Variants in OSBPL10 observed in about 807,000 individuals in gnomAD.
OSBPL10 encodes oxysterol-binding protein-related protein 10.
Under a neutral mutation model 81.7 loss-of-function variants are expected in OSBPL10, and 49 were observed. The ratio of observed to expected loss-of-function variants is 0.60; its 90% CI spans 0.48 to 0.76. The LOEUF is 0.76. Among genes scored for constraint, OSBPL10 ranks in the 30% least tolerant of loss-of-function variants. The pLI, the probability that OSBPL10 is intolerant of heterozygous loss-of-function variation, is 0.00. For synonymous variants in OSBPL10, 419 were observed against 383.6 expected, an observed-to-expected ratio of 1.09 and a Z score of -1.08; for missense variants, 923 against 987.8, an observed-to-expected ratio of 0.93 and a Z score of 0.88.
chr3:31,810,392 A>G (rs1011388982), intron 4 of OSBPL10, among the ~76,000 whole-genome samples: 1 of 152,194 alleles, frequency 6.6e-6, no homozygotes, highest in Non-Finnish European at 1.5e-5. Context: ...ACTTGAAAAC[A>G]TAATTTTAAA....
At chr3:31,682,472 C>T (rs149544881) in intron 8 of OSBPL10, among the ~76,000 whole-genome samples, 53 of 152,350 alleles carry the variant, frequency 3.5e-4, no homozygotes, top group African/African-American at 1.2e-3. Context: ...GACATTTTAC[C>T]TGTAGGCCTC....
chr3:31,796,563 A>G (rs543162136), intron 4 of OSBPL10, among the ~76,000 whole-genome samples: 4 of 152,238 alleles, frequency 2.6e-5, no homozygotes, highest in South Asian at 2.1e-4. Context: ...CCTTTCCTCT[A>G]TAAGTCAGGA....
Position 31,970,447 on chromosome 3 carries a change from A to C in OSBPL10, c.281+10452T>G, listed in dbSNP as rs1411675453. Among the ~76,000 whole-genome samples the C allele has an allele frequency of 3.9e-5, 6 of 152,366 alleles. No individual in the cohort carries two copies. The Middle Eastern group carries it at 0.014, about 345-fold the overall frequency. ...TCCAACAGGAAAGGAAAAGGTAAGA[A>C]GAGTACAAAGAAGGTTCCAGGAAAT... On this transcript the variant is annotated intron_variant, in intron 1 of 11. Transcript: ENST00000396556.
chr3:31,857,800 A>G (rs1559494172), intron 3 of OSBPL10, among the ~76,000 whole-genome samples: 27 of 29,086 alleles, frequency 9.3e-4, no homozygotes, highest in East Asian at 3.9e-3. Flanking sequence ...GAGAGACAGA[A>G]AGGGAGAGAG....
upstream of OSBPL10, among the ~76,000 whole-genome samples, chr3:31,985,709 T>C (rs1020824052): frequency 2.6e-5 from 4 of 152,226 alleles, no homozygotes; most frequent in African/African-American, 9.6e-5. Flanking sequence ...CTCTCTGATA[T>C]CAACTTGGTC....
intron 4 of OSBPL10, among the ~76,000 whole-genome samples, chr3:31,813,539 A>G (rs1205665878): frequency 6.6e-6 from 1 of 152,262 alleles, no homozygotes; most frequent in Non-Finnish European, 1.5e-5. Context: ...TGTTGCCTTT[A>G]ACACCAACTA....
At chr3:31,935,494 A>C (rs1014135346) in intron 1 of OSBPL10, among the ~76,000 whole-genome samples, 1 of 151,668 alleles carries the variant, frequency 6.6e-6, no homozygotes, top group African/African-American at 2.4e-5. Context: ...AAGAAAAAAA[A>C]ATCTACTCCT....
chr3:31,792,794 CAG>C (rs1282907184), intron 4 of OSBPL10, among the ~76,000 whole-genome samples: 1 of 131,804 alleles, frequency 7.6e-6, no homozygotes, highest in Non-Finnish European at 1.6e-5. Context: ...CTCAGTTATC[CAG>C]ACACACTGGG....
At chr3:31,897,488 CCA>C (rs1316011822) in intron 1 of OSBPL10, among the ~76,000 whole-genome samples, 11 of 152,192 alleles carry the variant, frequency 7.2e-5, no homozygotes, top group African/African-American at 2.6e-4. Context: ...GAAACAAGGA[CCA>C]AGTATTCACC....
At chr3:31,852,212 C>G (rs976595548) in intron 3 of OSBPL10, among the ~76,000 whole-genome samples, 2 of 152,172 alleles carry the variant, frequency 1.3e-5, no homozygotes, top group African/African-American at 2.4e-5. Flanking sequence ...TGAGCATTAT[C>G]TGAGGCAGGG....
intron 5 of OSBPL10, among the ~76,000 whole-genome samples, chr3:31,745,535 G>A (rs772049517): frequency 1.3e-5 from 2 of 152,092 alleles, no homozygotes; most frequent in Non-Finnish European, 2.9e-5. Context: ...TATAATGCTC[G>A]CAAGACACGG....
chr3:31,904,162 C>T (rs548250796), intron 1 of OSBPL10, among the ~76,000 whole-genome samples: 1 of 152,196 alleles, frequency 6.6e-6, no homozygotes, highest in Non-Finnish European at 1.5e-5. Context: ...CTGCTTCTTC[C>T]TTGCCCACTT....
In OSBPL10 at chr3:31,661,989, T is replaced by A. The variant is rs1700081818; in HGVS notation, c.*83A>T. 5 of 1,561,546 alleles carry A rather than the reference T, an allele frequency of 3.2e-6. No individual in the cohort carries two copies. Among genetic ancestry groups the A allele is most frequent in the Non-Finnish European group, 3.5e-6 (4 of 1,151,378 alleles). On this transcript the variant is annotated 3_prime_UTR_variant, in exon 12 of 12. Transcript: ENST00000396556. Reference sequence around the variant, plus strand: ...GATGCTAATACAAGGTCTCAGTGAATGCCAACAAAACCCTGATACTCTACT... The same window carrying A: ...GATGCTAATACAAGGTCTCAGTGAAAGCCAACAAAACCCTGATACTCTACT...
intron 1 of OSBPL10, among the ~76,000 whole-genome samples, chr3:31,971,149 T>C (rs200630257): frequency 0.024 from 3,570 of 147,432 alleles, 128 homozygotes; most frequent in African/African-American, 0.073. Context: ...CTTTTTTTTT[T>C]TTTTTTTTTG....
rs567313124 is a variant in OSBPL10, at chr3:31,931,602, T to C, written c.281+49297A>G. On this transcript the variant is annotated intron_variant, in intron 1 of 11. Transcript: ENST00000396556. ...CTTGGCATTCAAATCCAAGCCACCT[T>C]TACAGTTCTGTTGTCTGTGCTTATG... Among the ~76,000 whole-genome samples, 273 of 152,338 alleles carry C rather than the reference T, an allele frequency of 1.8e-3. 1 individual carries two copies. Among genetic ancestry groups the C allele is most frequent in the African/African-American group, 6.3e-3 (263 of 41,576 alleles).
intron 2 of OSBPL10, among the ~76,000 whole-genome samples, chr3:31,987,857 A>G (rs1436447196): frequency 1.3e-5 from 2 of 152,262 alleles, no homozygotes; most frequent in African/African-American, 4.8e-5. Context: ...GTGGATCAGA[A>G]ACCAAAATGT....
chr3:31,767,125 T>A (rs560471578), intron 4 of OSBPL10, among the ~76,000 whole-genome samples: 59 of 152,358 alleles, frequency 3.9e-4, no homozygotes, highest in African/African-American at 1.4e-3. Context: ...ATACTTTCAT[T>A]AACTTTGTGG....
intron 2 of OSBPL10, among the ~76,000 whole-genome samples, chr3:32,021,954 TG>T (rs58164090): frequency 0.77 from 116,123 of 150,624 alleles, 47,157 homozygotes; most frequent in Non-Finnish European, 0.91. Flanking sequence ...CACTCCAGCC[TG>T]GGCAACAGGA....
chr3:31,929,977 T>C (rs1212255240), intron 1 of OSBPL10, among the ~76,000 whole-genome samples: 1 of 116,330 alleles, frequency 8.6e-6, no homozygotes, highest in Non-Finnish European at 1.6e-5. Flanking sequence ...CCAGCCTGGG[T>C]GATCAAGTGA....
Sources: allele counts gnomAD v4.1 joint callset (sites outside exome capture counted in the v4.1 genomes callset), GRCh38; gene constraint gnomAD v4.1.1; transcripts MANE v1.5; gene names NCBI Gene and HGNC (gene_info 2026-07-23, HGNC 2026-07-21).